The following GSE1 variants were observed in gnomAD, a reference collection of about 807,000 sequenced individuals.
GSE1 encodes the protein genetic suppressor element 1.
Under a neutral mutation model 112.6 loss-of-function variants are expected in GSE1, and 32 were observed. The ratio of observed to expected loss-of-function variants is 0.28; its 90% CI spans 0.21 to 0.38. The LOEUF is 0.38. Among genes scored for constraint, GSE1 ranks in the 10% least tolerant of loss-of-function variants. The pLI is 1.00. For missense variants in GSE1, 2,348 were observed against 1,699.2 expected (o/e 1.38, Z -6.71); for synonymous variants, 1,115 against 735.6 (o/e 1.52, Z -8.35).
At chr16:85,390,702 G>GCC (rs1157503694) in intron 2 of GSE1, among the ~76,000 whole-genome samples, 31 of 72,440 alleles carry the variant, frequency 4.3e-4, no homozygotes, top group East Asian at 1.4e-3. Context: ...GCCTTGTTCT[G>GCC]CCCCCCCCAC....
chr16:85,567,023 G>C (rs1567596996), intron 1 of GSE1, among the ~76,000 whole-genome samples: 1 of 151,758 alleles, frequency 6.6e-6, no homozygotes, highest in East Asian at 1.9e-4. Flanking sequence ...CAGGGACAAG[G>C]TGTTACTCCC....
At chr16:85,299,092 T>C (rs1290307527) in intron 1 of GSE1, among the ~76,000 whole-genome samples, 2 of 152,218 alleles carry the variant, frequency 1.3e-5, no homozygotes, top group Admixed American at 6.5e-5. Flanking sequence ...GGTCAGTGAA[T>C]ATGTGCAGTG....
At chr16:85,549,786 C>T (rs946432390) in intron 2 of GSE1, among the ~76,000 whole-genome samples, 8 of 152,156 alleles carry the variant, frequency 5.3e-5, no homozygotes, top group African/African-American at 1.9e-4. Context: ...GAGGGTGTGT[C>T]CTCTCCTTGT....
At chr16:85,366,522 C>T (rs1374045224) in intron 2 of GSE1, among the ~76,000 whole-genome samples, 1 of 152,240 alleles carries the variant, frequency 6.6e-6, no homozygotes, top group Non-Finnish European at 1.5e-5. Flanking sequence ...GAAGCCCAGG[C>T]AGCCCTGAGA....
chr16:85,409,292 A>G (rs138115870), intron 2 of GSE1, among the ~76,000 whole-genome samples: 53 of 28,024 alleles, frequency 1.9e-3, no homozygotes, highest in Middle Eastern at 0.031. Flanking sequence ...GATAATCCTC[A>G]CTGTTACACT....
At chr16:85,216,661 T>G (rs181682092) in intron 1 of GSE1, among the ~76,000 whole-genome samples, 331 of 152,290 alleles carry the variant, frequency 2.2e-3, no homozygotes, top group African/African-American at 7.5e-3. Context: ...GTTAAGCTGT[T>G]TTCCCACAGA....
intron 1 of GSE1, among the ~76,000 whole-genome samples, chr16:85,333,422 G>A (rs568120741): frequency 2.7e-4 from 41 of 152,224 alleles, no homozygotes; most frequent in African/African-American, 9.9e-4. Flanking sequence ...CTCCCACCCG[G>A]CCTCCTCCTT....
At chr16:85,522,421 G>T (rs929216212) in intron 2 of GSE1, among the ~76,000 whole-genome samples, 3 of 151,654 alleles carry the variant, frequency 2.0e-5, no homozygotes, top group African/African-American at 7.3e-5. Flanking sequence ...TCCTTCCAGG[G>T]TCAGTAGCAC....
At chr16:85,293,626 G>T (rs576132912) in intron 1 of GSE1, among the ~76,000 whole-genome samples, 2 of 152,154 alleles carry the variant, frequency 1.3e-5, no homozygotes, top group Admixed American at 1.3e-4. Context: ...TCCGAAGTCC[G>T]GAATCAGGGT....
At chr16:85,276,913 G>A (rs1038861529) in intron 1 of GSE1, among the ~76,000 whole-genome samples, 1 of 152,258 alleles carries the variant, frequency 6.6e-6, no homozygotes, top group Non-Finnish European at 1.5e-5. Flanking sequence ...CCGGGCTCTG[G>A]AGAAGGTGCT....
chr16:85,611,183 G>C (rs1018807173), upstream of GSE1, among the ~76,000 whole-genome samples: 1 of 152,184 alleles, frequency 6.6e-6, no homozygotes, highest in Admixed American at 6.5e-5. Context: ...GTGGGAAAGG[G>C]GTTGGGCCAG....
intron 2 of GSE1, among the ~76,000 whole-genome samples, chr16:85,411,527 G>A (rs1252363204): frequency 8.9e-5 from 3 of 33,568 alleles, no homozygotes; most frequent in African/African-American, 1.5e-4. Flanking sequence ...AATCCTCACC[G>A]TTACACTCAG....
chr16:85,518,103 G>A (rs1041402688), intron 2 of GSE1, among the ~76,000 whole-genome samples: 1 of 152,278 alleles, frequency 6.6e-6, no homozygotes, highest in Non-Finnish European at 1.5e-5. Context: ...GCCGGCCAGC[G>A]CCAGCCAGGC....
At chr16:85,662,768 A>T in intron 9 of GSE1, 1 of 543,302 alleles carries the variant, frequency 1.8e-6, no homozygotes, top group East Asian at 3.1e-5. Flanking sequence ...GGAGCCATGG[A>T]TCCCAGGGAA....
intron 1 of GSE1, among the ~76,000 whole-genome samples, chr16:85,577,294 C>T (rs918563872): frequency 1.3e-5 from 2 of 152,160 alleles, no homozygotes; most frequent in African/African-American, 2.4e-5. Context: ...GTGATCACCT[C>T]GAGGAGGGAG....
intron 2 of GSE1, among the ~76,000 whole-genome samples, chr16:85,550,642 A>AC (rs2044874000): frequency 6.6e-6 from 1 of 151,624 alleles, no homozygotes; most frequent in Non-Finnish European, 1.5e-5. Context: ...CAGCCGAGGC[A>AC]CCCCGCCGCC....
intron 1 of GSE1, chr16:85,279,130 C>G (rs1235188532): frequency 6.6e-6 from 1 of 152,152 alleles, no homozygotes; most frequent in Non-Finnish European, 1.5e-5. Context: ...AAAATGCAAA[C>G]GACATAAAAT....
At chr16:85,637,761 G>A (rs1038012180) in intron 2 of GSE1, among the ~76,000 whole-genome samples, 4 of 150,992 alleles carry the variant, frequency 2.6e-5, no homozygotes, top group Admixed American at 1.3e-4. Context: ...AAGGGAGACC[G>A]GGCCTCTGTG....
intron 2 of GSE1, among the ~76,000 whole-genome samples, chr16:85,383,605 C>A (rs1487881572): frequency 6.6e-6 from 1 of 151,266 alleles, no homozygotes; most frequent in African/African-American, 2.5e-5. Flanking sequence ...TCCTCCAGAC[C>A]AGCCTGGGTG....
Sources: gnomAD v4.1 joint callset for allele counts (sites outside exome capture counted in the v4.1 genomes callset) on GRCh38, gnomAD v4.1.1 for gene constraint, MANE v1.5 for transcripts, NCBI Gene and HGNC (gene_info 2026-07-23, HGNC 2026-07-21) for gene names.